The following ZNF248 variants were observed in gnomAD, a reference collection of about 807,000 sequenced individuals.
ZNF248 encodes the protein KRAB protein domain.
In ZNF248, 20 loss-of-function variants were observed where a neutral mutation model predicts 44.3. The ratio of observed to expected loss-of-function variants is 0.45; its 90% CI spans 0.32 to 0.66. ZNF248 has a LOEUF of 0.66. ZNF248 is among the 30% of genes least tolerant of loss of function. The probability of loss-of-function intolerance (pLI) is 0.04; values close to 1 mark genes in which losing one functional copy is unlikely to be tolerated. For synonymous variants in ZNF248, 224 were observed against 229.0 expected (o/e 0.98, Z 0.20); for missense variants, 654 against 677.0 (o/e 0.97, Z 0.38).
At chr10:37,780,953 G>C (rs1333186808) in intron 6 of ZNF248, among the ~76,000 whole-genome samples, 2 of 152,232 alleles carry the variant, frequency 1.3e-5, no homozygotes, top group African/African-American at 4.8e-5. Flanking sequence ...AAGGCGCAGA[G>C]CACAGTTGTT....
At chr10:37,787,686 A>G (rs2048048753) in intron 6 of ZNF248, among the ~76,000 whole-genome samples, 3 of 152,134 alleles carry the variant, frequency 2.0e-5, no homozygotes. Context: ...ACCTCACACA[A>G]TATATGAAAA....
downstream of ZNF248, chr10:37,776,388 G>C: frequency 2.6e-6 from 1 of 384,732 alleles, no homozygotes; most frequent in Non-Finnish European, 4.6e-6. Flanking sequence ...CTGAGCAGGA[G>C]GAAGAATTAC....
intron 6 of ZNF248, among the ~76,000 whole-genome samples, chr10:37,796,343 G>A (rs541526755): frequency 3.2e-4 from 49 of 151,436 alleles, no homozygotes; most frequent in African/African-American, 1.1e-3. Flanking sequence ...AGCCTCCCGG[G>A]TAGCTGGGAT....
intron 6 of ZNF248, among the ~76,000 whole-genome samples, chr10:37,778,836 C>T (rs1800983365): frequency 1.3e-5 from 2 of 152,046 alleles, no homozygotes; most frequent in Non-Finnish European, 2.9e-5. Context: ...GGGGATATCA[C>T]CACTGATCCC....
At chr10:37,789,151 G>A (rs2048226885) in intron 6 of ZNF248, among the ~76,000 whole-genome samples, 2 of 152,184 alleles carry the variant, frequency 1.3e-5, no homozygotes, top group Admixed American at 1.3e-4. Flanking sequence ...GGGACTGACA[G>A]CATATTGGCG....
chr10:37,824,774 C>A (rs1310937459), downstream of ZNF248, among the ~76,000 whole-genome samples: 3 of 144,476 alleles, frequency 2.1e-5, no homozygotes, highest in African/African-American at 7.7e-5. Flanking sequence ...CTCCACCTCT[C>A]CGGTTCACAC....
At chr10:37,764,293 A>G in the ZNF248 span, among the ~76,000 whole-genome samples, 1 of 152,230 alleles carries the variant, frequency 6.6e-6, no homozygotes, top group Non-Finnish European at 1.5e-5. Context: ...CAGGTCTATT[A>G]GGACGAGCAA....
Position 37,831,574 on chromosome 10 carries a change from C to G in ZNF248, c.*41G>C, listed in dbSNP as rs373203070. 9.6e-5 allele frequency: 151 copies of G among 1,575,288 alleles called. No homozygotes were observed. Among genetic ancestry groups the G allele is most frequent in the Non-Finnish European group, 1.2e-4 (136 of 1,162,372 alleles). On this transcript the variant is annotated 3_prime_UTR_variant, in exon 6 of 6. Transcript: ENST00000395867. ...CTTTCTCTGATCTCCTTTTTTGAAA[C>G]TGTATAACCAATTTCACAAGTGTAT...
the ZNF248 span, among the ~76,000 whole-genome samples, chr10:37,763,302 C>T: frequency 6.6e-6 from 1 of 152,184 alleles, no homozygotes; most frequent in Admixed American, 6.5e-5. Flanking sequence ...AGCAGGCTTG[C>T]AAGACTGCCT....
intron 6 of ZNF248, chr10:37,818,610 G>A (rs1179942911): frequency 3.6e-5 from 16 of 441,756 alleles, no homozygotes; most frequent in Non-Finnish European, 5.6e-5. Context: ...GTCTCAATTC[G>A]AAGAACAGCT....
At chr10:37,783,570 G>C (rs1370110066) in intron 6 of ZNF248, among the ~76,000 whole-genome samples, 1 of 152,166 alleles carries the variant, frequency 6.6e-6, no homozygotes, top group African/African-American at 2.4e-5. Context: ...CAAGAAAGTG[G>C]AAAGAGAAGT....
downstream of ZNF248, among the ~76,000 whole-genome samples, chr10:37,824,848 A>ATTT (rs36011714): frequency 8.7e-6 from 1 of 115,200 alleles, no homozygotes; most frequent in South Asian, 2.9e-4. Flanking sequence ...CACCCAGCTG[A>ATTT]TTTTTTTTTT....
chr10:37,816,894 C>T (rs1477647438), intron 6 of ZNF248, among the ~76,000 whole-genome samples: 3 of 151,940 alleles, frequency 2.0e-5, no homozygotes, highest in African/African-American at 7.3e-5. Flanking sequence ...TCTAGGCTTT[C>T]CTCTTCTGGC....
chr10:37,764,310 G>A, the ZNF248 span, among the ~76,000 whole-genome samples: 2 of 152,114 alleles, frequency 1.3e-5, no homozygotes, highest in African/African-American at 2.4e-5. Context: ...GCAAATTCCC[G>A]CCTAATAAAT....
chr10:37,784,773 A>G (rs1208773), intron 6 of ZNF248, among the ~76,000 whole-genome samples: 9,170 of 152,256 alleles, frequency 0.06, 352 homozygotes, highest in Middle Eastern at 0.095. Context: ...TGGCACATCA[A>G]TGGAACCCGG....
intron 1 of ZNF248, 98 bp from the exon 2 acceptor site, chr10:37,856,630 A>T (rs112968992): frequency 1.2e-5 from 12 of 1,023,550 alleles, no homozygotes; most frequent in Non-Finnish European, 1.4e-5. Flanking sequence ...AATTCCTTGT[A>T]GGGAAAAAAA....
At chr10:37,771,098 C>T in the ZNF248 span, among the ~76,000 whole-genome samples, 4 of 152,158 alleles carry the variant, frequency 2.6e-5, no homozygotes, top group South Asian at 2.1e-4. Flanking sequence ...GTTAGAATGG[C>T]GATCATTAAA....
chr10:37,785,309 T>A (rs2047754814), intron 6 of ZNF248, among the ~76,000 whole-genome samples: 1 of 152,194 alleles, frequency 6.6e-6, no homozygotes, highest in Non-Finnish European at 1.5e-5. Flanking sequence ...TACTACTTGA[T>A]CCTAGTACAA....
At chr10:37,837,917 G>A (rs2057551790) in intron 4 of ZNF248, 68 bp downstream of exon 4, 2 of 1,568,436 alleles carry the variant, frequency 1.3e-6, no homozygotes, top group Admixed American at 3.5e-5. Flanking sequence ...CTTTACATCA[G>A]AAAACTACAG....
Sources: gnomAD v4.1 joint callset for allele counts (sites outside exome capture counted in the v4.1 genomes callset) on GRCh38, gnomAD v4.1.1 for gene constraint, MANE v1.5 for transcripts, NCBI Gene and HGNC (gene_info 2026-07-23, HGNC 2026-07-21) for gene names.